The following ZFHX3 variants were observed in gnomAD, a reference collection of about 807,000 sequenced individuals.
The protein encoded by ZFHX3 is zinc finger homeobox 3.
A neutral mutation model predicts 279.1 loss-of-function variants in ZFHX3; 42 were observed. That is an observed-to-expected ratio of 0.15 (90% confidence interval 0.12 to 0.19). The LOEUF (loss-of-function observed/expected upper bound fraction) is 0.19, where lower values mean the gene tolerates loss of function less well. ZFHX3 is among the 10% of genes least tolerant of loss of function. ZFHX3 has a pLI of 1.00. For synonymous variants in ZFHX3, 2,293 were observed against 1,957.8 expected, an observed-to-expected ratio of 1.17 and a Z score of -4.52; for missense variants, 4,981 against 4,754.0, an observed-to-expected ratio of 1.05 and a Z score of -1.40.
intron 1 of ZFHX3, among the ~76,000 whole-genome samples, chr16:73,792,786 G>T (rs1049772161): frequency 6.6e-6 from 1 of 152,042 alleles, no homozygotes; most frequent in African/African-American, 2.4e-5. Context: ...TTCTTTGAAG[G>T]CAGCCTTCTG....
At chr16:72,993,789 G>C (rs1229999716) in intron 1 of ZFHX3, among the ~76,000 whole-genome samples, 1 of 152,050 alleles carries the variant, frequency 6.6e-6, no homozygotes, top group Non-Finnish European at 1.5e-5. Context: ...GCTTTCCCAC[G>C]TGGACCAGAC....
chr16:73,809,351 G>T (rs1960367861), intron 1 of ZFHX3: 1 of 152,166 alleles, frequency 6.6e-6, no homozygotes, highest in Admixed American at 6.5e-5. Flanking sequence ...GACCCAGGGA[G>T]GTGCCACTGT....
At chr16:73,425,066 G>C (rs2017788033) in intron 3 of ZFHX3, among the ~76,000 whole-genome samples, 1 of 152,130 alleles carries the variant, frequency 6.6e-6, no homozygotes, top group South Asian at 2.1e-4. Flanking sequence ...CCCTTTTCCT[G>C]CCCTCTCTGC....
At chr16:72,859,091 G>A (rs1265122166) in intron 4 of ZFHX3, among the ~76,000 whole-genome samples, 1 of 152,212 alleles carries the variant, frequency 6.6e-6, no homozygotes, top group Non-Finnish European at 1.5e-5. Context: ...TCCCCACGTT[G>A]ATTGGACTCC....
chr16:72,860,252 G>A (rs561946661), intron 4 of ZFHX3, among the ~76,000 whole-genome samples: 3 of 152,174 alleles, frequency 2.0e-5, no homozygotes, highest in South Asian at 2.1e-4. Flanking sequence ...GGATGGTGCC[G>A]CAGACACCCG....
At chr16:73,811,437 T>A (rs35097170) in intron 1 of ZFHX3, among the ~76,000 whole-genome samples, 1 of 148,040 alleles carries the variant, frequency 6.8e-6, no homozygotes, top group African/African-American at 2.5e-5. Flanking sequence ...TTCAGTCTCT[T>A]CTTTTTTTTT....
rs13330933 is a variant in ZFHX3 at position 73,679,445 on chromosome 16, C to T, written c.-1547+735G>A. The T allele has an allele frequency of 2.5e-3, 379 of 152,242 alleles. 2 individuals carry two copies. Among genetic ancestry groups the T allele is most frequent in the African/African-American group, 8.5e-3 (354 of 41,562 alleles). 9.4% of individuals were successfully genotyped at this position (152,242 alleles called of 1,614,324 possible). ...TCTTCCTATGGGGACAGCAAAGAGG[C>T]TCCGGAACAGCAAATGGTAACTTGG... On this transcript the variant is annotated intron_variant, in intron 2 of 17. Coordinates refer to the ZFHX3 transcript ENST00000641206.
intron 3 of ZFHX3, among the ~76,000 whole-genome samples, chr16:73,387,826 GA>G (rs1456730588): frequency 6.6e-6 from 1 of 151,910 alleles, no homozygotes; most frequent in Non-Finnish European, 1.5e-5. Context: ...TTCCTTGTTG[GA>G]ACACCCAGGA....
At chr16:72,990,516 GGAA>G (rs942724014) in intron 1 of ZFHX3, among the ~76,000 whole-genome samples, 1 of 152,200 alleles carries the variant, frequency 6.6e-6, no homozygotes, top group Admixed American at 6.5e-5. Context: ...CAAACAGACA[GGAA>G]CTGAGTGCTG....
At position 73,529,128 on chromosome 16, in the gene ZFHX3, A is replaced by C. The variant is rs151070047; in HGVS notation, c.-1546-72870T>G. ...GCAGTTTTTCCTCTACTTTGAAAAT[A>C]GAGTGAAATACATTGAGGGCCTAAA... is the stretch of plus-strand genomic sequence containing the variant. On this transcript the variant is annotated intron_variant, in intron 2 of 17. Coordinates refer to the ZFHX3 transcript ENST00000641206. Among the ~76,000 whole-genome samples the C allele has an allele frequency of 3.6e-3, 548 of 152,326 alleles. 2 individuals are homozygous for C. The highest frequency in any genetic ancestry group is 0.012 in the African/African-American group (483 of 41,572).
rs574913076 is a variant in ZFHX3, at chr16:73,071,803, A to C, written c.-532-12791T>G. On this transcript the variant is annotated intron_variant, in intron 8 of 17. Transcript: ENST00000641206. Reference sequence around the variant, plus strand: ...TTTATTTATTCTCACAGAAAGGTGGAGATAGGGTGTGCCTGGAAACTGCTT... The same window carrying C: ...TTTATTTATTCTCACAGAAAGGTGGCGATAGGGTGTGCCTGGAAACTGCTT... 2.6e-5 allele frequency among the ~76,000 whole-genome samples: 4 copies of C among 152,284 alleles called. No individual in the cohort carries two copies. The South Asian group carries it at 6.2e-4, about 24-fold the overall frequency.
intron 3 of ZFHX3, among the ~76,000 whole-genome samples, chr16:73,364,760 G>T (rs558081234): frequency 6.2e-4 from 94 of 152,308 alleles, no homozygotes; most frequent in African/African-American, 2.1e-3. Flanking sequence ...CGACCGTGTG[G>T]TTCCATCTCC....
intron 1 of ZFHX3, among the ~76,000 whole-genome samples, chr16:73,683,131 T>C (rs2142198352): frequency 6.6e-6 from 1 of 152,342 alleles, no homozygotes; most frequent in Non-Finnish European, 1.5e-5. Context: ...TATACTTTTG[T>C]CTAGTAAAGA....
chr16:73,378,852 G>A (rs185838968), intron 3 of ZFHX3, among the ~76,000 whole-genome samples: 1 of 152,136 alleles, frequency 6.6e-6, no homozygotes, highest in African/African-American at 2.4e-5. Context: ...TTCCCTGGGA[G>A]AATATCACCT....
chr16:73,705,072 G>A (rs901674645), intron 1 of ZFHX3, among the ~76,000 whole-genome samples: 9 of 152,056 alleles, frequency 5.9e-5, no homozygotes, highest in Middle Eastern at 6.3e-3. Flanking sequence ...TAGTATTTCC[G>A]ACTCACAAAA....
intron 4 of ZFHX3, among the ~76,000 whole-genome samples, chr16:73,294,627 A>G (rs1311177433): frequency 1.3e-5 from 2 of 151,964 alleles, no homozygotes; most frequent in Non-Finnish European, 2.9e-5. Context: ...CCTGGCCAAC[A>G]TGGTGAAACC....
At chr16:73,571,525 G>A (rs12716810) in intron 2 of ZFHX3, among the ~76,000 whole-genome samples, 21,208 of 152,028 alleles carry the variant, frequency 0.14, 1,589 homozygotes, top group African/African-American at 0.19. Context: ...GGCTATTTTC[G>A]GCTGAATGCA....
intron 1 of ZFHX3, among the ~76,000 whole-genome samples, chr16:73,763,397 T>C (rs935465064): frequency 6.6e-6 from 1 of 152,216 alleles, no homozygotes; most frequent in African/African-American, 2.4e-5. Flanking sequence ...TCTTGGTTAT[T>C]ATCTGCATGA....
intron 5 of ZFHX3, among the ~76,000 whole-genome samples, chr16:73,152,242 T>C (rs915837551): frequency 6.6e-6 from 1 of 152,244 alleles, no homozygotes; most frequent in African/African-American, 2.4e-5. Flanking sequence ...AGTTCTGCTT[T>C]TCCTCATCTT....
Sources: allele counts gnomAD v4.1 joint callset (sites outside exome capture counted in the v4.1 genomes callset), GRCh38; gene constraint gnomAD v4.1.1; transcripts MANE v1.5; gene names NCBI Gene and HGNC (gene_info 2026-07-23, HGNC 2026-07-21).